COL14A1: variants seen among roughly 807,000 people sequenced by gnomAD.
COL14A1 encodes the protein collagen type XIV alpha 1 chain.
A neutral mutation model predicts 230.3 loss-of-function variants in COL14A1; 136 were observed. The ratio of observed to expected loss-of-function variants is 0.59; its 90% CI spans 0.51 to 0.68. The LOEUF (loss-of-function observed/expected upper bound fraction) is 0.68, where lower values mean the gene tolerates loss of function less well. COL14A1 is among the 30% of genes least tolerant of loss of function. The pLI, the probability that COL14A1 is intolerant of heterozygous loss-of-function variation, is 0.00. For missense variants in COL14A1, 1,976 were observed against 2,215.8 expected (o/e 0.89, Z 2.17); for synonymous variants, 792 against 784.1 (o/e 1.01, Z -0.17).
At chr8:120,300,520 C>A (rs1820677968) in intron 35 of COL14A1, among the ~76,000 whole-genome samples, 1 of 151,926 alleles carries the variant, frequency 6.6e-6, no homozygotes, top group East Asian at 1.9e-4. Context: ...TTAGCAACAC[C>A]CATTGATAAT....
At position 120,373,488 on chromosome 8, in the gene COL14A1, T is replaced by C. The variant is rs1563763811; in HGVS notation, c.*2257T>C. 6.6e-6 allele frequency among the ~76,000 whole-genome samples: 1 copy of C among 152,232 alleles called. No homozygotes were observed. The highest frequency in any genetic ancestry group is 1.5e-5 in the Non-Finnish European group (1 of 68,038). ...CTGAAGTGCATTTTTCTTGACTTAC[T>C]TTGGCAGAAATATACTTATATCTTA... On this transcript the variant is annotated 3_prime_UTR_variant, in exon 48 of 48. Coordinates refer to ENST00000297848, the MANE Select transcript of COL14A1 (RefSeq NM_021110.4).
At chr8:120,341,235 A>C in intron 42 of COL14A1, 90 bp from the exon 43 acceptor site, 3 of 1,317,550 alleles carry the variant, frequency 2.3e-6, no homozygotes, top group Non-Finnish European at 3.3e-6. Flanking sequence ...GCTAAGAAAA[A>C]TGTCTTAATA....
chr8:120,263,036 C>A, intron 24 of COL14A1, 22 bp downstream of exon 24: 1 of 1,568,564 alleles, frequency 6.4e-7, no homozygotes, highest in Non-Finnish European at 8.6e-7. Flanking sequence ...GTGTTCTCTC[C>A]TGATCCCTCT....
At chr8:120,318,219 G>A (rs990757479) in intron 40 of COL14A1, among the ~76,000 whole-genome samples, 4 of 152,128 alleles carry the variant, frequency 2.6e-5, no homozygotes, top group Non-Finnish European at 4.4e-5. Flanking sequence ...GCCATGTACT[G>A]TGCTCAGCCT....
At chr8:120,140,105 T>C (rs1353307312) in intron 1 of COL14A1, among the ~76,000 whole-genome samples, 1 of 152,186 alleles carries the variant, frequency 6.6e-6, no homozygotes, top group Non-Finnish European at 1.5e-5. Flanking sequence ...ACACATTTCA[T>C]TGATAAAGAG....
chr8:120,238,654 T>C (rs1029795934), intron 19 of COL14A1, among the ~76,000 whole-genome samples: 1 of 152,098 alleles, frequency 6.6e-6, no homozygotes, highest in Admixed American at 6.5e-5. Flanking sequence ...TCATGGGGTA[T>C]GAAAATAAAC....
intron 40 of COL14A1, among the ~76,000 whole-genome samples, chr8:120,327,709 G>C (rs989617812): frequency 3.3e-5 from 5 of 151,798 alleles, no homozygotes; most frequent in African/African-American, 1.2e-4. Context: ...TTATTTCTTC[G>C]ATGTGATAAG....
intron 24 of COL14A1, among the ~76,000 whole-genome samples, chr8:120,266,235 T>G (rs936028384): frequency 1.3e-5 from 2 of 152,024 alleles, no homozygotes; most frequent in African/African-American, 4.8e-5. Context: ...AAGCCATACC[T>G]CTGCAGAGTA....
intron 5 of COL14A1, among the ~76,000 whole-genome samples, chr8:120,194,186 A>G (rs564011694): frequency 5.3e-5 from 8 of 152,202 alleles, no homozygotes; most frequent in Admixed American, 2.0e-4. Flanking sequence ...CTATTCGGCC[A>G]TCTTGGCTGC....
chr8:120,183,678 G>A (rs887119182), intron 5 of COL14A1, among the ~76,000 whole-genome samples: 3 of 152,202 alleles, frequency 2.0e-5, no homozygotes, highest in Non-Finnish European at 1.5e-5. Context: ...GAAGGTCTCT[G>A]AGCGAGTGCT....
chr8:120,151,012 A>G (rs998625173), intron 2 of COL14A1, among the ~76,000 whole-genome samples: 1 of 152,054 alleles, frequency 6.6e-6, no homozygotes, highest in Admixed American at 6.6e-5. Context: ...AAAATCCAAC[A>G]TCAATTATAA....
intron 23 of COL14A1, among the ~76,000 whole-genome samples, chr8:120,256,451 G>A (rs1445510911): frequency 2.0e-5 from 3 of 152,118 alleles, no homozygotes; most frequent in Non-Finnish European, 4.4e-5. Context: ...TGGAACATAC[G>A]AGAAGAAATT....
chr8:120,309,378 G>C (rs1280268787), intron 36 of COL14A1, among the ~76,000 whole-genome samples: 1 of 152,024 alleles, frequency 6.6e-6, no homozygotes, highest in Non-Finnish European at 1.5e-5. Context: ...AAGATATTCA[G>C]TAAATACACA....
chr8:120,204,203 A>G (rs1817357801), intron 9 of COL14A1, among the ~76,000 whole-genome samples: 1 of 152,222 alleles, frequency 6.6e-6, no homozygotes, highest in Non-Finnish European at 1.5e-5. Context: ...TAGTTTTCCC[A>G]ATGGTAAAAT....
rs931310882 is a variant in COL14A1, at chr8:120,372,791, A to C, written c.*1560A>C. On this transcript the variant is annotated 3_prime_UTR_variant, in exon 48 of 48. Coordinates refer to ENST00000297848, the MANE Select transcript of COL14A1 (RefSeq NM_021110.4). ...CTTCAGACTTCATCTGAAGGATTCA[A>C]ACAATCTACTTGTGTGCCTTTGGTG... Among the ~76,000 whole-genome samples, 7 of 152,000 alleles carry C rather than the reference A, an allele frequency of 4.6e-5. No homozygotes were observed. Among genetic ancestry groups the C allele is most frequent in the Non-Finnish European group, 8.8e-5 (6 of 67,992 alleles).
intron 5 of COL14A1, among the ~76,000 whole-genome samples, chr8:120,184,224 G>GATTTATTTATTTATTTATTT: frequency 7.4e-6 from 1 of 135,610 alleles, no homozygotes; most frequent in East Asian, 2.2e-4. Flanking sequence ...GGGGGGAAGA[G>GATTTATTTATTTATTTATTT]ATTTATTTAT....
At chr8:120,176,257 G>C (rs922503291) in intron 5 of COL14A1, among the ~76,000 whole-genome samples, 1 of 152,132 alleles carries the variant, frequency 6.6e-6, no homozygotes, top group African/African-American at 2.4e-5. Flanking sequence ...AGTTTCTGGG[G>C]ATTAAGTGGT....
At chr8:120,232,739 T>C (rs540221562) in intron 19 of COL14A1, among the ~76,000 whole-genome samples, 99 of 152,348 alleles carry the variant, frequency 6.5e-4, no homozygotes, top group African/African-American at 2.4e-3. Flanking sequence ...TGTGGATGTA[T>C]TGTTATAGTA....
At chr8:120,224,970 A>G in intron 14 of COL14A1, 118 bp from the exon 15 acceptor site, 1 of 855,078 alleles carries the variant, frequency 1.2e-6, no homozygotes, top group Non-Finnish European at 1.7e-6. Flanking sequence ...ATAATTCAGT[A>G]ATTTGTTTTG....
Sources: gnomAD v4.1 joint callset for allele counts (sites outside exome capture counted in the v4.1 genomes callset) on GRCh38, gnomAD v4.1.1 for gene constraint, MANE v1.5 for transcripts, NCBI Gene and HGNC (gene_info 2026-07-23, HGNC 2026-07-21) for gene names.